The following KIF14 variants were observed in gnomAD, a reference collection of about 807,000 sequenced individuals.
KIF14 encodes the protein kinesin-like protein KIF14.
In KIF14, 98 loss-of-function variants were observed where a neutral mutation model predicts 176.2. The observed-to-expected ratio is 0.56, with a 90% CI of 0.47 to 0.66. The LOEUF (loss-of-function observed/expected upper bound fraction) is 0.66. Among genes scored for constraint, KIF14 ranks in the 30% least tolerant of loss-of-function variants. The pLI is 0.00. For missense variants in KIF14, 1,751 were observed against 1,920.4 expected, an observed-to-expected ratio of 0.91 and a Z score of 1.65; for synonymous variants, 566 against 632.2, an observed-to-expected ratio of 0.90 and a Z score of 1.57.
intron 16 of KIF14, among the ~76,000 whole-genome samples, chr1:200,591,484 T>C (rs1210515961): frequency 6.6e-6 from 1 of 152,224 alleles, no homozygotes; most frequent in Non-Finnish European, 1.5e-5. Context: ...GTTTCCCTTA[T>C]CCTTTAAGAT....
intron 1 of KIF14, among the ~76,000 whole-genome samples, chr1:200,619,612 A>C (rs973066928): frequency 6.6e-6 from 1 of 152,148 alleles, no homozygotes; most frequent in Admixed American, 6.5e-5. Context: ...CGGCCTCCCA[A>C]AGTGCTGGGA....
rs765637664 is a variant in KIF14 at position 200,553,474 on chromosome 1, C to T, written c.4861G>A (p.Val1621Ile). 3.7e-6 allele frequency: 6 copies of T among 1,614,024 alleles called. No homozygotes were observed. Among genetic ancestry groups the T allele is most frequent in the Non-Finnish European group, 5.1e-6 (6 of 1,180,008 alleles). Residue 1621 changes from valine to isoleucine, a missense_variant, in exon 30 of 30, where the codon GTA (valine) becomes ATA (isoleucine). By Grantham distance (29) the Val-to-Ile change is conservative. Transcript: ENST00000367350. ...SGIDGSKNKG[V>I]PKRVYELHGS... is the part of the protein sequence containing the mutation. The stretch of plus-strand genomic sequence containing the variant: ...TGGAGCTCATAGACACGCTTTGGTA[C>T]ACCTTTATTCTTACTGCCGTCAATC...
chr1:200,615,238 G>A (rs1660353776), intron 3 of KIF14, 117 bp downstream of exon 3: 4 of 1,108,176 alleles, frequency 3.6e-6, no homozygotes, highest in Non-Finnish European at 5.2e-6. Context: ...AAATGGATGA[G>A]ATTTGGGCCA....
In KIF14 at chr1:200,603,928, C is replaced by A. The variant is rs760556501; in HGVS notation, c.1774G>T (p.Asp592Tyr). ...KTEFVEGEEHDHRITSRINLI... is the reference protein window; with the variant it reads ...KTEFVEGEEHYHRITSRINLI... The stretch of plus-strand genomic sequence containing the variant: ...TTAATTCGACTTGTTATTCTGTGAT[C>A]GTGTTCTTCCCCTTCCACAAATTCT... The change falls in exon 9 of 30, where the codon GAT (aspartate) becomes TAT (tyrosine). Residue 592 changes from aspartate (D) to tyrosine (Y), a missense_variant. Asp to Tyr is a radical substitution (Grantham distance 160). Coordinates refer to ENST00000367350, the MANE Select transcript of KIF14 (RefSeq NM_014875.3). 2 of 1,613,032 alleles carry A rather than the reference C, an allele frequency of 1.2e-6. No homozygotes were observed. Among genetic ancestry groups the A allele is most frequent in the Admixed American group, 1.7e-5 (1 of 59,996 alleles).
rs140975402 is a variant in KIF14 at position 200,617,830 on chromosome 1, G to A, written c.894C>T (p.Ser298=). 3.3e-5 allele frequency: 53 copies of A among 1,614,166 alleles called. No homozygotes were observed. The African/African-American group carries it at 5.2e-4, about 16-fold the overall frequency. ...TTKCSLPQLK[S]PAPSILKNRM... Reference sequence around the variant, plus strand: ...TATTCTTCAGTATTGATGGAGCTGGGCTCTTAAGCTGAGGCAGGCTGCACT... The same window carrying A: ...TATTCTTCAGTATTGATGGAGCTGGACTCTTAAGCTGAGGCAGGCTGCACT... Residue 298 remains serine, a synonymous_variant, in exon 2 of 30, where the codon AGC becomes AGT. Transcript: ENST00000367350.
chr1:200,596,992 AG>A (rs1370366395), intron 14 of KIF14, among the ~76,000 whole-genome samples: 2 of 144,120 alleles, frequency 1.4e-5, no homozygotes, highest in African/African-American at 5.2e-5. Context: ...TCCACCTCCT[AG>A]GTTCAAGCGA....
At chr1:200,590,762 C>T (rs7512524) in intron 16 of KIF14, among the ~76,000 whole-genome samples, 1 of 152,010 alleles carries the variant, frequency 6.6e-6, no homozygotes. Context: ...CAGTGACTCA[C>T]GCCTGTAATC....
rs1209847157 is a variant in KIF14 at position 200,565,229 on chromosome 1, T to C, written c.3911A>G (p.Gln1304Arg). ...ACATGCAGTCTGAATAGTAAGTGAC[T>C]GGATTGCTCGATCAGAAGAAAACAC... is the stretch of plus-strand genomic sequence containing the variant. ...DNLFSSDRAIQSLTIQTACAF... is the reference protein window; with the variant it reads ...DNLFSSDRAIRSLTIQTACAF... Residue 1304 changes from glutamine (Q) to arginine (R), a missense_variant, in exon 25 of 30, where the codon CAG becomes CGG. Transcript: ENST00000367350. 6.2e-7 allele frequency: 1 copy of C among 1,602,106 alleles called. No homozygotes were observed. Among genetic ancestry groups the C allele is most frequent in the Non-Finnish European group, 8.5e-7 (1 of 1,177,152 alleles).
chr1:200,598,662 G>A (rs1327080315), intron 13 of KIF14, among the ~76,000 whole-genome samples: 1 of 152,026 alleles, frequency 6.6e-6, no homozygotes, highest in Non-Finnish European at 1.5e-5. Context: ...GGGTTCAAAC[G>A]ATTCTCCTGC....
chr1:200,579,957 TA>T (rs1658354394), intron 21 of KIF14, among the ~76,000 whole-genome samples: 1 of 152,002 alleles, frequency 6.6e-6, no homozygotes. Flanking sequence ...AGCTTAAATG[TA>T]AAAATTTTAA....
intron 6 of KIF14, 34 bp downstream of exon 6, chr1:200,606,712 T>C: frequency 6.4e-7 from 1 of 1,570,486 alleles, no homozygotes; most frequent in Non-Finnish European, 8.8e-7. Context: ...TCATTTGTTT[T>C]ATCCTCTTTG....
rs1657104644 is a variant in KIF14, at chr1:200,560,884, T to G, written c.4072-4A>C. ...ATGAAATATCCAAACAGCATCCCTGTAAGATAAAAATGGACAAGTGTATCA... is the reference window on the plus strand; with the variant it reads ...ATGAAATATCCAAACAGCATCCCTGGAAGATAAAAATGGACAAGTGTATCA... On this transcript the variant is annotated splice_region_variant and splice_polypyrimidine_tract_variant and intron_variant, in intron 25 of 29. Transcript: ENST00000367350. 6.2e-7 allele frequency: 1 copy of G among 1,612,136 alleles called. No individual in the cohort carries two copies. The highest frequency in any genetic ancestry group is 8.5e-7 in the Non-Finnish European group (1 of 1,178,408).
Position 200,590,250 on chromosome 1 carries a change from C to A in KIF14, c.2836G>T (p.Ala946Ser). The A allele has an allele frequency of 6.2e-7, 1 of 1,613,250 alleles. No homozygotes were observed. The highest frequency in any genetic ancestry group is 8.5e-7 in the Non-Finnish European group (1 of 1,179,786). ...ATTTCTTCCTTTGCCTTCAACTGAG[C>A]CTCTTTTATTTCTGCTTCAAGTCTA... ...RSQLEAEIKEAQLKAKEEMMQ... is the reference protein window; with the variant it reads ...RSQLEAEIKESQLKAKEEMMQ... The change falls in exon 17 of 30, where the codon GCT becomes TCT. Residue 946 changes from alanine (A) to serine (S), a missense_variant. Ala to Ser is a moderately conservative substitution (Grantham distance 99, BLOSUM62 1). Coordinates refer to ENST00000367350, the MANE Select transcript of KIF14 (RefSeq NM_014875.3).
intron 22 of KIF14, among the ~76,000 whole-genome samples, chr1:200,573,423 A>ATTTTTTTTT (rs1657921825): frequency 3.6e-5 from 3 of 84,432 alleles, no homozygotes; most frequent in Admixed American, 1.3e-4. Context: ...CAAGGAGCTC[A>ATTTTTTTTT]TTTCTTTTTT....
rs138258524 is a variant in KIF14, at chr1:200,605,986, G to A, written c.1608-92C>T. ...AATAACATTTCAATTACATATTTAC[G>A]CTGAAGATCACAATGGACTAATTCA... On this transcript the variant is annotated intron_variant, in intron 6 of 29. Transcript: ENST00000367350. 3.9e-3 allele frequency: 2,516 copies of A among 646,204 alleles called. 30 individuals are homozygous for A. The highest frequency in any genetic ancestry group is 0.037 in the African/African-American group (1,961 of 52,576). The allele number at this position is 646,204 out of a possible 1,614,324, so 40.0% of individuals were successfully genotyped here.
chr1:200,617,937 T>C lies in KIF14; in HGVS notation c.787A>G (p.Ile263Val), dbSNP rs1660488044. The C allele has an allele frequency of 6.2e-7, 1 of 1,614,024 alleles. No homozygotes were observed. Among genetic ancestry groups the C allele is most frequent in the Non-Finnish European group, 8.5e-7 (1 of 1,180,004 alleles). ...NLYHRSIGKE[I>V]AKTSNKFGSL... is the part of the protein sequence containing the mutation. ...CCAAATTTATTTGAAGTTTTTGCAATTTCCTTCCCAATACTTCTATGATAC... is the reference window on the plus strand; with the variant it reads ...CCAAATTTATTTGAAGTTTTTGCAACTTCCTTCCCAATACTTCTATGATAC... The change falls in exon 2 of 30, where the codon ATT (isoleucine) becomes GTT (valine). Residue 263 changes from isoleucine to valine, a missense_variant. By Grantham distance (29) the Ile-to-Val change is conservative. Coordinates refer to ENST00000367350, the MANE Select transcript of KIF14 (RefSeq NM_014875.3).
intron 22 of KIF14, among the ~76,000 whole-genome samples, chr1:200,573,024 A>C (rs918132643): frequency 1.2e-4 from 18 of 152,212 alleles, no homozygotes; most frequent in Non-Finnish European, 2.2e-4. Context: ...ATATATATTA[A>C]GCATCCAGTA....
chr1:200,598,338 C>T lies in KIF14; in HGVS notation c.2448G>A (p.Leu816=). 6.2e-7 allele frequency: 1 copy of T among 1,612,986 alleles called. No homozygotes were observed. The highest frequency in any genetic ancestry group is 8.5e-7 in the Non-Finnish European group (1 of 1,179,440). ...LNEDPQLSEM[L]LYMIKEGTTT... ...TTGTTCCTTCTTTTATCATATATAG[C>T]AGCATCTCAGATAGTTGTGGATCTT... Residue 816 remains leucine (L), a synonymous_variant, in exon 14 of 30, where the codon CTG becomes CTA. Coordinates refer to ENST00000367350, the MANE Select transcript of KIF14 (RefSeq NM_014875.3).
At position 200,618,783 on chromosome 1, in the gene KIF14, A is replaced by G; in HGVS notation, c.-60T>C. On this transcript the variant is annotated 5_prime_UTR_variant, in exon 2 of 30. The change abolishes an upstream ATG in the 5' untranslated region. Transcript: ENST00000367350. ...TAAGACCCTAAGCTCTTCTTTGGAC[A>G]TTCATTTGATTTCCAGCCATTTCTT... The G allele has an allele frequency of 7.5e-7, 1 of 1,325,282 alleles. No homozygotes were observed. Among genetic ancestry groups the G allele is most frequent in the Non-Finnish European group, 1.0e-6 (1 of 974,518 alleles). 82.1% of individuals were successfully genotyped at this position (1,325,282 alleles called of 1,614,324 possible). A position where few individuals can be genotyped will look rare whatever the true frequency, so the allele number is the denominator to read the frequency against.
Sources: allele counts gnomAD v4.1 joint callset (sites outside exome capture counted in the v4.1 genomes callset), GRCh38; gene constraint gnomAD v4.1.1; transcripts MANE v1.5; gene names NCBI Gene and HGNC (gene_info 2026-07-23, HGNC 2026-07-21).